The following VSIG1 variants were observed in gnomAD, a reference collection of about 807,000 sequenced individuals.
VSIG1 encodes V-set and immunoglobulin domain containing 1.
VSIG1 carries 11 observed loss-of-function variants against 20.1 expected under a neutral mutation model. The observed-to-expected ratio is 0.55, with a 90% CI of 0.34 to 0.91. The LOEUF (loss-of-function observed/expected upper bound fraction) is 0.91, where lower values mean the gene tolerates loss of function less well. Among genes scored for constraint, VSIG1 ranks in the 40% least tolerant of loss-of-function variants. VSIG1 has a pLI of 0.02. For missense variants in VSIG1, 283 were observed against 298.8 expected (o/e 0.95, Z 0.39); for synonymous variants, 126 against 116.7 (o/e 1.08, Z -0.52).
chrX:108,030,506 T>C, the VSIG1 span, among the ~76,000 whole-genome samples: 42 of 111,711 alleles, frequency 3.8e-4, 1 homozygote, highest in Admixed American at 5.7e-4. Context: ...AGACCCAATC[T>C]GAGTCACAGT....
chrX:108,040,938 T>A (rs762403863), upstream of VSIG1, among the ~76,000 whole-genome samples: 52 of 109,970 alleles, frequency 4.7e-4, no homozygotes, highest in African/African-American at 1.7e-3. Flanking sequence ...TCCTGTTCCA[T>A]GTGAGCCTGG....
chrX:108,047,971 T>TATATACAC lies in VSIG1; in HGVS notation c.49+2797_49+2798insCACATATA, dbSNP rs2030687827. Among the ~76,000 whole-genome samples the TATATACAC allele has an allele frequency of 1.0e-4, 6 of 57,729 alleles. 1 individual carries two copies. Among genetic ancestry groups the TATATACAC allele is most frequent in the African/African-American group, 2.2e-4 (3 of 13,396 alleles). The allele number at this position is 57,729 out of a possible 115,157, so 50.1% of individuals were successfully genotyped here. ...ATATATATACACACACATATATATA[T>TATATACAC]ATATATATATATATATATATATATA... On this transcript the variant is annotated intron_variant, in intron 1 of 6. Coordinates refer to ENST00000217957, the MANE Select transcript of VSIG1 (RefSeq NM_182607.5).
chrX:108,024,431 C>T, the VSIG1 span, among the ~76,000 whole-genome samples: 3 of 108,730 alleles, frequency 2.8e-5, no homozygotes, highest in Admixed American at 9.9e-5. Context: ...GTTTTCTGTT[C>T]GCTATCTCAT....
chrX:108,040,790 C>T (rs1281538427), upstream of VSIG1, among the ~76,000 whole-genome samples: 1 of 111,446 alleles, frequency 9.0e-6, no homozygotes. Context: ...AATAAAAATA[C>T]TTTTTTTAAG....
intron 3 of VSIG1, among the ~76,000 whole-genome samples, chrX:108,071,520 C>T (rs1465349874): frequency 9.0e-6 from 1 of 110,993 alleles, no homozygotes; most frequent in African/African-American, 3.3e-5. Context: ...GGACTTCTCC[C>T]CTGACATGTT....
At chrX:108,025,608 T>C in the VSIG1 span, among the ~76,000 whole-genome samples, 1 of 112,882 alleles carries the variant, frequency 8.9e-6, no homozygotes, top group Non-Finnish European at 1.9e-5. Flanking sequence ...TTTCAAGCTG[T>C]AAGCTGGGTG....
intron 1 of VSIG1, among the ~76,000 whole-genome samples, chrX:108,051,325 C>A (rs1239712414): frequency 3.6e-5 from 4 of 111,263 alleles, no homozygotes; most frequent in African/African-American, 1.3e-4. Context: ...CCATACCTAC[C>A]CCAACTGAGA....
At chrX:108,048,831 A>G (rs1411904240) in intron 1 of VSIG1, among the ~76,000 whole-genome samples, 1 of 112,531 alleles carries the variant, frequency 8.9e-6, no homozygotes, top group Non-Finnish European at 1.9e-5. Context: ...TATTTGGGCT[A>G]CTGAACTGGA....
At position 108,067,004 on chromosome X, in the gene VSIG1, C is replaced by T. The variant is rs138849840; in HGVS notation, c.282C>T (p.Asn94=). 5.9e-3 allele frequency: 7,158 copies of T among 1,209,370 alleles called. 19 individuals are homozygous for T. The highest frequency in any genetic ancestry group is 0.016 in the Middle Eastern group (70 of 4,353). ...TTAAAGATCGAATTACAGGGTCCAACGATCCAGGTAATGCATCTATCACTA... is the reference window on the plus strand; with the variant it reads ...TTAAAGATCGAATTACAGGGTCCAATGATCCAGGTAATGCATCTATCACTA... ...GQFKDRITGS[N]DPGNASITIS... Residue 94 remains asparagine (N), a synonymous_variant, in exon 3 of 7, where the codon AAC becomes AAT. Coordinates refer to ENST00000217957, the MANE Select transcript of VSIG1 (RefSeq NM_182607.5).
At chrX:108,033,559 T>A in the VSIG1 span, among the ~76,000 whole-genome samples, 5 of 111,711 alleles carry the variant, frequency 4.5e-5, no homozygotes, top group African/African-American at 1.6e-4. Flanking sequence ...CTCCTGGGTG[T>A]CCTGACATTT....
At chrX:108,026,503 G>T in the VSIG1 span, among the ~76,000 whole-genome samples, 1 of 111,196 alleles carries the variant, frequency 9.0e-6, no homozygotes, top group Non-Finnish European at 1.9e-5. Flanking sequence ...AAGCTGTTAG[G>T]AAGCTGTGTT....
At chrX:108,075,952 TC>T (rs1330770295) in intron 5 of VSIG1, 124 bp from the exon 6 acceptor site, 1 of 842,733 alleles carries the variant, frequency 1.2e-6, no homozygotes, top group East Asian at 3.2e-5. Flanking sequence ...GGTTTCCATT[TC>T]CCTAGCCTAT....
At chrX:108,066,907 G>A (rs751222189) in intron 2 of VSIG1, 29 bp from the exon 3 acceptor site, 1 of 1,190,597 alleles carries the variant, frequency 8.4e-7, no homozygotes, top group South Asian at 1.8e-5. Context: ...ACTCTCTCCA[G>A]TTCTCACTTC....
chrX:108,077,195 G>A lies in VSIG1; in HGVS notation c.978G>A (p.Gln326=). 2 of 1,211,978 alleles carry A rather than the reference G, an allele frequency of 1.7e-6. No individual in the cohort carries two copies. Among genetic ancestry groups the A allele is most frequent in the Non-Finnish European group, 2.2e-6 (2 of 895,589 alleles). Residue 326 remains glutamine (Q), a synonymous_variant, in exon 7 of 7, where the codon CAG becomes CAA. Coordinates refer to ENST00000217957, the MANE Select transcript of VSIG1 (RefSeq NM_182607.5). ...CAGACTATGAGCCAAAGCCTACTCAGGAGCCTGCCCCAGAGCCTGCCCCAG... is the reference window on the plus strand; with the variant it reads ...CAGACTATGAGCCAAAGCCTACTCAAGAGCCTGCCCCAGAGCCTGCCCCAG... ...QEPDYEPKPT[Q]EPAPEPAPGS... is the part of the protein sequence containing the mutation.
chrX:108,051,304 G>A (rs1266126128), intron 1 of VSIG1, among the ~76,000 whole-genome samples: 1 of 111,222 alleles, frequency 9.0e-6, no homozygotes, highest in African/African-American at 3.3e-5. Context: ...GGCGCCAGTA[G>A]AAGTGTCCCA....
intron 3 of VSIG1, among the ~76,000 whole-genome samples, chrX:108,070,837 A>G (rs2031222853): frequency 8.9e-6 from 1 of 112,084 alleles, no homozygotes; most frequent in African/African-American, 3.2e-5. Context: ...GGGCTAGTAA[A>G]CTGTTTAAGA....
the VSIG1 span, among the ~76,000 whole-genome samples, chrX:108,029,788 G>C: frequency 9.0e-6 from 1 of 111,633 alleles, no homozygotes; most frequent in Non-Finnish European, 1.9e-5. Flanking sequence ...TGGGTCAAAA[G>C]GTGAGAGGAA....
chrX:108,029,723 TAA>T, the VSIG1 span, among the ~76,000 whole-genome samples: 16 of 111,896 alleles, frequency 1.4e-4, no homozygotes, highest in African/African-American at 5.2e-4. Flanking sequence ...CAATTGCCTT[TAA>T]AAGACTTTCT....
At chrX:108,023,226 A>ATG in the VSIG1 span, among the ~76,000 whole-genome samples, 2 of 111,828 alleles carry the variant, frequency 1.8e-5, no homozygotes, top group Non-Finnish European at 3.8e-5. Flanking sequence ...TGAGATGATC[A>ATG]TGTGCCCCCT....
Sources: allele counts gnomAD v4.1 joint callset (sites outside exome capture counted in the v4.1 genomes callset), GRCh38; gene constraint gnomAD v4.1.1; transcripts MANE v1.5; gene names NCBI Gene and HGNC (gene_info 2026-07-23, HGNC 2026-07-21).